DNER: variants seen among roughly 807,000 people sequenced by gnomAD.
DNER encodes the protein delta and Notch-like epidermal growth factor-related receptor.
In DNER, 33 loss-of-function variants were observed where a neutral mutation model predicts 78.2. The ratio of observed to expected loss-of-function variants is 0.42; its 90% CI spans 0.32 to 0.56. The LOEUF (loss-of-function observed/expected upper bound fraction) is 0.56. Ranked by LOEUF, DNER falls within the 20% of genes least tolerant of loss-of-function variation. The pLI, the probability that DNER is intolerant of heterozygous loss-of-function variation, is 0.11. For missense variants in DNER, 918 were observed against 975.3 expected, an observed-to-expected ratio of 0.94 and a Z score of 0.78; for synonymous variants, 417 against 384.8, an observed-to-expected ratio of 1.08 and a Z score of -0.98.
chr2:229,499,089 G>A (rs1352548423), intron 6 of DNER, among the ~76,000 whole-genome samples: 1 of 152,098 alleles, frequency 6.6e-6, no homozygotes, highest in African/African-American at 2.4e-5. Context: ...ACAACAGAGA[G>A]CTTAAAAACA....
At chr2:229,532,019 T>C (rs925558298) in intron 5 of DNER, among the ~76,000 whole-genome samples, 2 of 152,176 alleles carry the variant, frequency 1.3e-5, no homozygotes, top group Non-Finnish European at 2.9e-5. Context: ...GGGGAGTAAC[T>C]GCTTAATGAA....
At chr2:229,535,181 T>C (rs1450310841) in intron 5 of DNER, among the ~76,000 whole-genome samples, 1 of 152,208 alleles carries the variant, frequency 6.6e-6, no homozygotes, top group East Asian at 1.9e-4. Flanking sequence ...TAAATATCAA[T>C]AGATATAACC....
chr2:229,560,238 A>G (rs1696929003), intron 4 of DNER, among the ~76,000 whole-genome samples: 1 of 152,242 alleles, frequency 6.6e-6, no homozygotes, highest in East Asian at 1.9e-4. Context: ...CCATTTGGCT[A>G]AAGACCATTT....
Position 229,512,831 on chromosome 2 carries a change from C to T in DNER, c.1099G>A (p.Ala367Thr). The change falls in exon 6 of 13, where the codon GCA becomes ACA. Residue 367 changes from alanine (A) to threonine (T), a missense_variant. Ala to Thr is a moderately conservative substitution (Grantham distance 58, BLOSUM62 0). Transcript: ENST00000341772. ...TTGCTCCCATCTTGCTTTTCATTTGCATCAATACAGCTCGCGTTGTTTTGG... is the reference window on the plus strand; with the variant it reads ...TTGCTCCCATCTTGCTTTTCATTTGTATCAATACAGCTCGCGTTGTTTTGG... Reference protein sequence around the residue: ...PCQNNASCIDANEKQDGSNFT... With the variant: ...PCQNNASCIDTNEKQDGSNFT... 6.2e-7 allele frequency: 1 copy of T among 1,614,170 alleles called. No individual in the cohort carries two copies. The highest frequency in any genetic ancestry group is 8.5e-7 in the Non-Finnish European group (1 of 1,180,016).
chr2:229,554,507 C>A (rs1168855365), intron 4 of DNER, among the ~76,000 whole-genome samples: 1 of 152,150 alleles, frequency 6.6e-6, no homozygotes, highest in African/African-American at 2.4e-5. Context: ...GCCTGGCCAA[C>A]ATGCTGAAAC....
chr2:229,562,342 C>T (rs1696976425), intron 4 of DNER, among the ~76,000 whole-genome samples: 1 of 152,160 alleles, frequency 6.6e-6, no homozygotes. Context: ...GCTGAGTAGT[C>T]ATCAAGGTGG....
chr2:229,519,255 T>G (rs1172582673), intron 5 of DNER, among the ~76,000 whole-genome samples: 1 of 152,194 alleles, frequency 6.6e-6, no homozygotes, highest in Non-Finnish European at 1.5e-5. Flanking sequence ...ATTTTACCTC[T>G]CTCAGTAACG....
At chr2:229,433,049 C>A (rs957243522) in intron 8 of DNER, among the ~76,000 whole-genome samples, 2 of 152,146 alleles carry the variant, frequency 1.3e-5, no homozygotes, top group African/African-American at 4.8e-5. Flanking sequence ...AAACAATTCT[C>A]CTGCCTTAGC....
chr2:229,650,481 G>A (rs891013244), intron 1 of DNER, among the ~76,000 whole-genome samples: 2 of 152,152 alleles, frequency 1.3e-5, no homozygotes, highest in Non-Finnish European at 1.5e-5. Context: ...TGAAAAGCAG[G>A]TTTCATCCCA....
chr2:229,556,053 A>G (rs954831369), intron 4 of DNER, among the ~76,000 whole-genome samples: 1 of 152,250 alleles, frequency 6.6e-6, no homozygotes, highest in African/African-American at 2.4e-5. Flanking sequence ...AAAATGTTAT[A>G]GACAAGGCTT....
At chr2:229,621,889 A>G (rs1392102478) in intron 1 of DNER, among the ~76,000 whole-genome samples, 1 of 152,060 alleles carries the variant, frequency 6.6e-6, no homozygotes, top group Non-Finnish European at 1.5e-5. Context: ...ATCGAGACCA[A>G]CCTAGCTAAC....
intron 1 of DNER, among the ~76,000 whole-genome samples, chr2:229,669,369 CATATAT>C (rs58371383): frequency 2.1e-5 from 3 of 144,748 alleles, no homozygotes; most frequent in Admixed American, 7.0e-5. Context: ...TGTATACATA[CATATAT>C]ATATATATAT....
intron 1 of DNER, among the ~76,000 whole-genome samples, chr2:229,646,559 T>C (rs1302542847): frequency 5.9e-5 from 9 of 152,248 alleles, no homozygotes; most frequent in Non-Finnish European, 1.3e-4. Flanking sequence ...GAGTTACTAA[T>C]AGGATGAACT....
intron 6 of DNER, among the ~76,000 whole-genome samples, chr2:229,491,164 G>A (rs574130388): frequency 1.6e-4 from 25 of 152,220 alleles, no homozygotes; most frequent in African/African-American, 3.9e-4. Context: ...ACTGTGCTCC[G>A]GCTCTTCAAA....
intron 10 of DNER, among the ~76,000 whole-genome samples, chr2:229,397,480 C>A (rs1342056553): frequency 4.7e-4 from 33 of 70,198 alleles, no homozygotes; most frequent in South Asian, 9.2e-4. Flanking sequence ...AAAAAAAAAA[C>A]TGCAAGTCCC....
chr2:229,538,777 G>A (rs10174211), intron 5 of DNER, among the ~76,000 whole-genome samples: 3,722 of 152,020 alleles, frequency 0.024, 164 homozygotes, highest in African/African-American at 0.084. Context: ...CACCTCAGGT[G>A]ATCCACCCGC....
chr2:229,634,508 AC>A (rs1237467448), intron 1 of DNER, among the ~76,000 whole-genome samples: 3 of 152,240 alleles, frequency 2.0e-5, no homozygotes, highest in African/African-American at 7.2e-5. Flanking sequence ...AATTCTAGAA[AC>A]ATATACTCAA....
At chr2:229,512,005 A>G (rs921146953) in intron 6 of DNER, among the ~76,000 whole-genome samples, 1 of 152,224 alleles carries the variant, frequency 6.6e-6, no homozygotes, top group Non-Finnish European at 1.5e-5. Context: ...GAAAATGTGG[A>G]ACCAGCTCAA....
At chr2:229,592,082 A>G (rs183129756) in intron 1 of DNER, among the ~76,000 whole-genome samples, 194 bp from the exon 2 acceptor site, 5 of 152,306 alleles carry the variant, frequency 3.3e-5, no homozygotes, top group African/African-American at 4.8e-5. Flanking sequence ...CTTACCACAG[A>G]TAAGAGGCAC....
Sources: gnomAD v4.1 joint callset for allele counts (sites outside exome capture counted in the v4.1 genomes callset) on GRCh38, gnomAD v4.1.1 for gene constraint, MANE v1.5 for transcripts, NCBI Gene and HGNC (gene_info 2026-07-23, HGNC 2026-07-21) for gene names.